EPS8: variants seen among roughly 807,000 people sequenced by gnomAD.
EPS8 encodes the protein epidermal growth factor receptor kinase substrate 8.
Under a neutral mutation model 103.8 loss-of-function variants are expected in EPS8, and 42 were observed. The ratio of observed to expected loss-of-function variants is 0.40; its 90% confidence interval spans 0.32 to 0.52. The LOEUF (loss-of-function observed/expected upper bound fraction) is 0.52. Ranked by LOEUF, EPS8 falls within the 20% of genes least tolerant of loss-of-function variation. The pLI, the probability that EPS8 is intolerant of heterozygous loss-of-function variation, is 0.40. For synonymous variants in EPS8, 344 were observed against 344.6 expected, an observed-to-expected ratio of 1.00 and a Z score of 0.02; for missense variants, 969 against 1,005.1, an observed-to-expected ratio of 0.96 and a Z score of 0.49.
intron 8 of EPS8, chr12:15,662,455 C>T (rs1353227044): frequency 6.9e-6 from 7 of 1,007,680 alleles, no homozygotes; most frequent in African/African-American, 3.4e-5. Context: ...CAAGCTTTTA[C>T]TTCTCAAAAG....
Position 15,623,298 on chromosome 12 carries a change from A to G in EPS8, c.2226-11T>C. The G allele has an allele frequency of 6.3e-7, 1 of 1,578,556 alleles. No individual in the cohort carries two copies. Among genetic ancestry groups the G allele is most frequent in the Non-Finnish European group, 8.5e-7 (1 of 1,169,800 alleles). Reference sequence around the variant, plus strand: ...AGACTATTGACAGTCCTAAAAAAAAAAAAAGGAAAAAGAAACTGAGCATTA... The same window carrying G: ...AGACTATTGACAGTCCTAAAAAAAAGAAAAGGAAAAAGAAACTGAGCATTA... On this transcript the variant is annotated splice_polypyrimidine_tract_variant and intron_variant, in intron 19 of 20. Coordinates refer to ENST00000281172, the MANE Select transcript of EPS8 (RefSeq NM_004447.6).
At position 15,760,907 on chromosome 12, in the gene EPS8, C is replaced by T. The variant is rs895832557; in HGVS notation, c.-22+28254G>A. 6.6e-6 allele frequency among the ~76,000 whole-genome samples: 1 copy of T among 151,962 alleles called. No individual in the cohort carries two copies. Among genetic ancestry groups the T allele is most frequent in the East Asian group, 1.9e-4 (1 of 5,194 alleles). On this transcript the variant is annotated intron_variant, in intron 1 of 20. Coordinates refer to ENST00000281172, the MANE Select transcript of EPS8 (RefSeq NM_004447.6). This position sits in a 1 kb window ranked among gnomAD's most constrained non-coding sequence, Gnocchi z 4.5. ...ATCTGGCACACAGGAAGTATGCCCA[C>T]TTTCACCATTATTATTCAATGCAGT...
In EPS8 at chr12:15,746,419, T is replaced by C. The variant is rs149692996; in HGVS notation, c.-22+42742A>G. On this transcript the variant is annotated intron_variant, in intron 1 of 20. Transcript: ENST00000281172. The stretch of plus-strand genomic sequence containing the variant: ...ACTGATTTTAATGGCACTTCCTTTC[T>C]CCTCATCACTCTAGCCATTGATGAC... 2.8e-3 allele frequency among the ~76,000 whole-genome samples: 418 copies of C among 151,926 alleles called. 5 individuals are homozygous for C. Among genetic ancestry groups the C allele is most frequent in the African/African-American group, 8.6e-3 (353 of 41,244 alleles).
intron 1 of EPS8, among the ~76,000 whole-genome samples, chr12:15,724,882 T>C (rs1946636230): frequency 6.6e-6 from 1 of 152,150 alleles, no homozygotes; most frequent in Non-Finnish European, 1.5e-5. Context: ...AATTACCCAG[T>C]CTTGGGTATG....
intron 17 of EPS8, among the ~76,000 whole-genome samples, chr12:15,637,457 C>T (rs759388289): frequency 6.6e-6 from 1 of 152,226 alleles, no homozygotes. Flanking sequence ...TTCTCCTACA[C>T]CTTAGTTTCC....
intron 1 of EPS8, among the ~76,000 whole-genome samples, chr12:15,686,519 A>C (rs568122122): frequency 5.9e-5 from 9 of 152,288 alleles, no homozygotes; most frequent in African/African-American, 2.2e-4. Context: ...CAGAAAATAA[A>C]ATTCTTTGGC....
intron 1 of EPS8, among the ~76,000 whole-genome samples, chr12:15,685,975 A>G (rs1432337791): frequency 5.3e-5 from 8 of 152,202 alleles, no homozygotes; most frequent in Non-Finnish European, 2.9e-5. Context: ...TAATCACACT[A>G]ACTACATAAT....
rs1309037322 is a variant in EPS8, at chr12:15,751,187, G to A, written c.-22+37974C>T. 6.6e-6 allele frequency among the ~76,000 whole-genome samples: 1 copy of A among 152,006 alleles called. No individual in the cohort carries two copies. ...AGCCAGGCCAACATAGTGAAACTCT[G>A]TCTCTACTAAAAATATAAAAATTAG... is the stretch of plus-strand genomic sequence containing the variant. On this transcript the variant is annotated intron_variant, in intron 1 of 20. Transcript: ENST00000281172. The surrounding 1 kb of genome is among the most constrained non-coding windows in gnomAD (Gnocchi z 4.3).
At chr12:15,683,888 T>C (rs1946050084) in intron 1 of EPS8, 1 of 152,172 alleles carries the variant, frequency 6.6e-6, no homozygotes, top group South Asian at 2.1e-4. Context: ...AAATATATTA[T>C]ATTACTATGT....
At chr12:15,641,547 A>T (rs1945230029) in intron 16 of EPS8, among the ~76,000 whole-genome samples, 175 bp downstream of exon 16, 1 of 152,066 alleles carries the variant, frequency 6.6e-6, no homozygotes, top group Non-Finnish European at 1.5e-5. Context: ...GAGTATTCTA[A>T]AGCTATCCCC....
At chr12:15,646,579 A>T (rs1945323173) in intron 15 of EPS8, among the ~76,000 whole-genome samples, 1 of 152,198 alleles carries the variant, frequency 6.6e-6, no homozygotes, top group Non-Finnish European at 1.5e-5. Flanking sequence ...GCCTATATTA[A>T]ATTTTTTAAG....
Position 15,679,911 on chromosome 12 carries a change from A to C in EPS8, c.136+1315T>G, listed in dbSNP as rs552324603. 2.0e-5 allele frequency among the ~76,000 whole-genome samples: 3 copies of C among 152,296 alleles called. No individual in the cohort carries two copies. In the South Asian group the frequency reaches 6.2e-4, roughly 32 times the overall value. The stretch of plus-strand genomic sequence containing the variant: ...TGAATTATTTTATTCTTATCCAAAA[A>C]ATCTTTTTCTGTTATCTTCAAGTTA... On this transcript the variant is annotated intron_variant, in intron 3 of 20. Transcript: ENST00000281172.
intron 1 of EPS8, among the ~76,000 whole-genome samples, chr12:15,775,789 A>G (rs1261318799): frequency 2.0e-5 from 3 of 152,180 alleles, no homozygotes; most frequent in Admixed American, 6.5e-5. Flanking sequence ...CTAGCACTTA[A>G]TAGGCACTTA....
chr12:15,662,077 A>AT lies in EPS8; in HGVS notation c.758dup (p.His253GlnfsTer2). On this transcript the variant is annotated frameshift_variant, in exon 9 of 21. Transcript: ENST00000281172. LOFTEE classifies it high-confidence loss of function. ...TCATCTCAGGTGTTTCTTCCTGCTC[A>AT]TGATACTGCCTTGGTTTCTCAACTA... is the stretch of plus-strand genomic sequence containing the variant. 1 of 1,613,932 alleles carries AT rather than the reference A, an allele frequency of 6.2e-7. No individual in the cohort carries two copies.
chr12:15,624,525 C>T (rs1365375443), intron 18 of EPS8, 118 bp from the exon 19 acceptor site: 1 of 664,088 alleles, frequency 1.5e-6, no homozygotes, highest in Admixed American at 2.8e-5. Flanking sequence ...AGTGTTCCTA[C>T]CATCTTTCCT....
At chr12:15,679,661 C>T (rs1945969839) in intron 3 of EPS8, among the ~76,000 whole-genome samples, 1 of 152,158 alleles carries the variant, frequency 6.6e-6, no homozygotes, top group South Asian at 2.1e-4. Flanking sequence ...TCTGATCAAC[C>T]CTCACCAGTG....
chr12:15,635,542 GTA>G (rs1160748054), intron 17 of EPS8, among the ~76,000 whole-genome samples: 1 of 152,182 alleles, frequency 6.6e-6, no homozygotes, highest in Non-Finnish European at 1.5e-5. Flanking sequence ...CTAAATGTCT[GTA>G]CTGAGCTTAA....
intron 17 of EPS8, among the ~76,000 whole-genome samples, chr12:15,640,049 G>A (rs1025485762): frequency 6.6e-5 from 10 of 152,196 alleles, no homozygotes; most frequent in Non-Finnish European, 1.5e-5. Context: ...ATGTTAGGGT[G>A]AATGAGCTGA....
At position 15,640,876 on chromosome 12, in the gene EPS8, T is replaced by C. The variant is rs71459189; in HGVS notation, c.1678-30A>G. The C allele has an allele frequency of 4.7e-3, 7,584 of 1,604,046 alleles. 38 individuals carry two copies. The highest frequency in any genetic ancestry group is 0.013 in the South Asian group (1,144 of 89,650). On this transcript the variant is annotated intron_variant, in intron 16 of 20. Coordinates refer to ENST00000281172, the MANE Select transcript of EPS8 (RefSeq NM_004447.6). ...CATGTACAAGAAAATAAAGGTATAA[T>C]TTCCATATAAAAGCCATTCTACGAA...
Sources: allele counts gnomAD v4.1 joint callset (sites outside exome capture counted in the v4.1 genomes callset), GRCh38; gene constraint gnomAD v4.1.1; non-coding constraint Gnocchi (gnomAD v3.1); transcripts MANE v1.5; gene names NCBI Gene and HGNC (gene_info 2026-07-23, HGNC 2026-07-21).